Variants in SLCO1A2 observed in about 807,000 individuals in gnomAD.
The protein encoded by SLCO1A2 is solute carrier organic anion transporter family member 1A2.
In SLCO1A2, 67 loss-of-function variants were observed where a neutral mutation model predicts 69.0. The observed-to-expected ratio is 0.97, with a 90% CI of 0.80 to 1.19. The LOEUF (loss-of-function observed/expected upper bound fraction) is 1.19. Among genes scored for constraint, SLCO1A2 ranks in the 50% most tolerant of loss-of-function variants. The pLI is 0.00. For missense variants in SLCO1A2, 787 were observed against 793.7 expected, an observed-to-expected ratio of 0.99 and a Z score of 0.10; for synonymous variants, 260 against 265.9, an observed-to-expected ratio of 0.98 and a Z score of 0.22.
chr12:21,362,663 C>T (rs141473756), intron 2 of SLCO1A2, among the ~76,000 whole-genome samples: 57 of 152,134 alleles, frequency 3.7e-4, no homozygotes, highest in Admixed American at 1.4e-3. Flanking sequence ...CCATCTCACA[C>T]GCAGAGACAC....
At chr12:21,323,946 G>C (rs1951965614) in intron 2 of SLCO1A2, among the ~76,000 whole-genome samples, 1 of 152,136 alleles carries the variant, frequency 6.6e-6, no homozygotes, top group Non-Finnish European at 1.5e-5. Flanking sequence ...CTTAACAGAA[G>C]GGCATTTGCA....
chr12:21,364,117 T>C (rs1393791212), intron 2 of SLCO1A2, among the ~76,000 whole-genome samples: 1 of 151,968 alleles, frequency 6.6e-6, no homozygotes. Flanking sequence ...TAGACCAATA[T>C]CCCTGATGAA....
At position 21,329,767 on chromosome 12, in the gene SLCO1A2, C is replaced by A. The variant is rs894594213; in HGVS notation, c.60+4821G>T. 2.0e-5 allele frequency among the ~76,000 whole-genome samples: 3 copies of A among 150,852 alleles called. No individual in the cohort carries two copies. The South Asian group carries it at 6.3e-4, about 32-fold the overall frequency. On this transcript the variant is annotated intron_variant, in intron 2 of 14. Transcript: ENST00000683939. Reference sequence around the variant, plus strand: ...AAAATAACTCTTAGAAAAAAAAATTCTTTAGCAAAAGCTACATCATTGTAT... The same window carrying A: ...AAAATAACTCTTAGAAAAAAAAATTATTTAGCAAAAGCTACATCATTGTAT...
intron 2 of SLCO1A2, among the ~76,000 whole-genome samples, chr12:21,343,997 C>T (rs1403723872): frequency 1.3e-5 from 2 of 152,058 alleles, no homozygotes; most frequent in Non-Finnish European, 2.9e-5. Context: ...CCAACATATT[C>T]CTTTTGCCTG....
At chr12:21,380,608 C>G (rs1940523723) in intron 1 of SLCO1A2, among the ~76,000 whole-genome samples, 1 of 152,130 alleles carries the variant, frequency 6.6e-6, no homozygotes, top group African/African-American at 2.4e-5. Context: ...TACATTACTG[C>G]CAGGGAGCTT....
At position 21,268,565 on chromosome 12, in the gene SLCO1A2, C is replaced by T. The variant is rs979064618; in HGVS notation, c.*983G>A. 1.3e-5 allele frequency: 2 copies of T among 152,006 alleles called. No homozygotes were observed. The highest frequency in any genetic ancestry group is 2.9e-5 in the Non-Finnish European group (2 of 67,996). The allele number at this position is 152,006 out of a possible 1,614,324, so 9.4% of individuals were successfully genotyped here. A position where few individuals can be genotyped will look rare whatever the true frequency, so the allele number is the denominator to read the frequency against. On this transcript the variant is annotated 3_prime_UTR_variant, in exon 15 of 15. Coordinates refer to ENST00000683939, the MANE Select transcript of SLCO1A2 (RefSeq NM_001386879.1). ...AATTTTTAATTTTATCCATAATTTA[C>T]AAAATAATAATATAAGTAGATTTAG...
At chr12:21,366,584 A>G (rs1041247461) in intron 2 of SLCO1A2, among the ~76,000 whole-genome samples, 69 of 152,186 alleles carry the variant, frequency 4.5e-4, no homozygotes, top group South Asian at 3.5e-3. Context: ...ACATTAAAAG[A>G]TATTTTTTAA....
intron 2 of SLCO1A2, among the ~76,000 whole-genome samples, chr12:21,373,923 C>A (rs893494740): frequency 3.9e-5 from 6 of 151,968 alleles, no homozygotes; most frequent in Non-Finnish European, 7.4e-5. Context: ...TAATCAGGAG[C>A]AAATTAATGT....
At position 21,269,601 on chromosome 12, in the gene SLCO1A2, T is replaced by C. The variant is rs1178526261; in HGVS notation, c.1960A>G (p.Ile654Val). The change falls in exon 15 of 15, where the codon ATA becomes GTA. Residue 654 changes from isoleucine to valine, a missense_variant. Coordinates refer to ENST00000683939, the MANE Select transcript of SLCO1A2 (RefSeq NM_001386879.1). Reference sequence around the variant, plus strand: ...TTCAAAACCGTGGACTTTTGGTATATATCTTTGCACTCATTTTCCTTCCCT... The same window carrying C: ...TTCAAAACCGTGGACTTTTGGTATACATCTTTGCACTCATTTTCCTTCCCT... ...VKGKENECKD[I>V]YQKSTVLKDD... is the part of the protein sequence containing the mutation. 1.9e-6 allele frequency: 3 copies of C among 1,612,482 alleles called. No homozygotes were observed. The highest frequency in any genetic ancestry group is 1.3e-5 in the African/African-American group (1 of 74,810).
At position 21,269,558 on chromosome 12, in the gene SLCO1A2, G is replaced by C. The variant is rs11568557; in HGVS notation, c.2003C>G (p.Thr668Ser). Residue 668 changes from threonine to serine, a missense_variant, in exon 15 of 15, where the codon ACT (threonine) becomes AGT (serine). By Grantham distance (58) the Thr-to-Ser change is moderately conservative. Transcript: ENST00000683939. ...STVLKDDELK[T>S]KL ...AATATAATAGGACAATTACAATTTA[G>C]TTTTCAATTCATCATCTTTCAAAAC... 3,942 of 1,608,368 alleles carry C rather than the reference G, an allele frequency of 2.5e-3. 81 individuals are homozygous for C. The African/African-American group carries it at 0.047, about 19-fold the overall frequency.
At chr12:21,396,942 G>A (rs1196546210), upstream of SLCO1A2, among the ~76,000 whole-genome samples, 2 of 151,874 alleles carry the variant, frequency 1.3e-5, no homozygotes, top group African/African-American at 4.8e-5. Context: ...AGACCATCGA[G>A]ACTAGGAAGA....
upstream of SLCO1A2, chr12:21,419,107 T>C (rs1942037476): frequency 6.6e-6 from 1 of 152,088 alleles, no homozygotes; most frequent in Admixed American, 6.6e-5. Flanking sequence ...AACCCAGAAA[T>C]ACCAATAGGC....
chr12:21,279,899 C>T (rs894678748), intron 12 of SLCO1A2, among the ~76,000 whole-genome samples: 1 of 150,436 alleles, frequency 6.6e-6, no homozygotes, highest in African/African-American at 2.5e-5. Flanking sequence ...AAGACACAGA[C>T]AGTAAAATAA....
chr12:21,310,671 C>G (rs971432629), intron 4 of SLCO1A2, among the ~76,000 whole-genome samples: 2 of 152,196 alleles, frequency 1.3e-5, no homozygotes, highest in African/African-American at 2.4e-5. Context: ...GGCACGATCT[C>G]GGCGCACTGC....
At chr12:21,414,279 C>T (rs1591923497) in intron 1 of SLCO1A2, among the ~76,000 whole-genome samples, 1 of 146,328 alleles carries the variant, frequency 6.8e-6, no homozygotes, top group African/African-American at 2.5e-5. Flanking sequence ...CGTCCAGCCT[C>T]TTTTTTTTTT....
rs527933410 is a variant in SLCO1A2, at chr12:21,407,136, T to C, written c.-312+10746A>G. ...CTCTGAAGAAAATCAAACAGAATGA[T>C]GGGCTTGGGAGTGGACTGGAAAGAT... On this transcript the variant is annotated intron_variant, in intron 1 of 4. Coordinates refer to the SLCO1A2 transcript ENST00000413682. Among the ~76,000 whole-genome samples, 14 of 152,216 alleles carry C rather than the reference T, an allele frequency of 9.2e-5. No individual in the cohort carries two copies. The South Asian group carries it at 2.7e-3, about 29-fold the overall frequency.
intron 4 of SLCO1A2, among the ~76,000 whole-genome samples, chr12:21,312,107 A>C (rs1950293251): frequency 6.6e-6 from 1 of 152,014 alleles, no homozygotes; most frequent in African/African-American, 2.4e-5. Context: ...AAGAAGAAGA[A>C]GGCTGTTTCA....
chr12:21,394,555 GCACACACACACA>G (rs35166807), intron 1 of SLCO1A2, among the ~76,000 whole-genome samples: 2 of 138,910 alleles, frequency 1.4e-5, no homozygotes, highest in Non-Finnish European at 3.1e-5. Context: ...AATAACACAC[GCACACACACACA>G]CACACACACA....
chr12:21,373,288 T>C lies in SLCO1A2; in HGVS notation c.-63+1111A>G. The C allele has an allele frequency of 2.7e-6, 3 of 1,097,594 alleles. No individual in the cohort carries two copies. The South Asian group carries it at 3.7e-5, about 14-fold the overall frequency. The allele number at this position is 1,097,594 out of a possible 1,614,324, so 68.0% of individuals were successfully genotyped here. The stretch of plus-strand genomic sequence containing the variant: ...AGCTCTAATTTAAAATTACATCAAT[T>C]AGAACTGTAAGAAATCTCTTGATTT... On this transcript the variant is annotated intron_variant, in intron 2 of 15. Coordinates refer to the SLCO1A2 transcript ENST00000307378.
Sources: allele counts gnomAD v4.1 joint callset (sites outside exome capture counted in the v4.1 genomes callset), GRCh38; gene constraint gnomAD v4.1.1; transcripts MANE v1.5; gene names NCBI Gene and HGNC (gene_info 2026-07-23, HGNC 2026-07-21).